The following NLK variants were observed in gnomAD, a reference collection of about 807,000 sequenced individuals.
NLK encodes the protein nemo like kinase, also known as serine/threonine-protein kinase NLK.
A neutral mutation model predicts 59.0 loss-of-function variants in NLK; 11 were observed. That is an observed-to-expected ratio of 0.19 (90% CI 0.12 to 0.31). The LOEUF (loss-of-function observed/expected upper bound fraction) is 0.31, where lower values mean the gene tolerates loss of function less well. Among genes scored for constraint, NLK ranks in the 10% least tolerant of loss-of-function variants. The pLI is 1.00. For synonymous variants in NLK, 235 were observed against 235.9 expected, an observed-to-expected ratio of 1.00 and a Z score of 0.03; for missense variants, 410 against 661.1, an observed-to-expected ratio of 0.62 and a Z score of 4.16.
chr17:28,079,044 A>G (rs1448110755), intron 1 of NLK, among the ~76,000 whole-genome samples: 1 of 152,036 alleles, frequency 6.6e-6, no homozygotes, highest in African/African-American at 2.4e-5. Flanking sequence ...CATCCTCCCT[A>G]TCAGCTCCTG....
At chr17:28,106,146 C>T (rs1394454878) in intron 1 of NLK, among the ~76,000 whole-genome samples, 1 of 152,192 alleles carries the variant, frequency 6.6e-6, no homozygotes, top group East Asian at 1.9e-4. Context: ...GTACCTCACT[C>T]TACATATTTT....
intron 8 of NLK, among the ~76,000 whole-genome samples, chr17:28,187,335 G>A (rs1031112379): frequency 1.3e-5 from 2 of 152,116 alleles, no homozygotes; most frequent in South Asian, 4.1e-4. Flanking sequence ...ACAGAGTCTC[G>A]CTCTGTTGCC....
chr17:28,171,515 G>A (rs1413040517), intron 6 of NLK, among the ~76,000 whole-genome samples: 1 of 152,200 alleles, frequency 6.6e-6, no homozygotes, highest in Non-Finnish European at 1.5e-5. Context: ...CTAGCTAAAT[G>A]TGGTCTTATG....
intron 1 of NLK, among the ~76,000 whole-genome samples, chr17:28,097,286 A>G (rs1218732445): frequency 6.6e-6 from 1 of 152,220 alleles, no homozygotes; most frequent in Non-Finnish European, 1.5e-5. Flanking sequence ...AGAATTGGCC[A>G]TGCTTCTAAC....
intron 3 of NLK, among the ~76,000 whole-genome samples, chr17:28,150,605 G>A (rs1907438572): frequency 1.3e-5 from 2 of 152,162 alleles, no homozygotes; most frequent in South Asian, 4.1e-4. Flanking sequence ...CAGAGACATT[G>A]TTACTTCTCT....
downstream of NLK, among the ~76,000 whole-genome samples, chr17:28,196,586 G>A (rs910344476): frequency 1.3e-5 from 2 of 152,208 alleles, no homozygotes; most frequent in African/African-American, 2.4e-5. Flanking sequence ...TATCAAAGAT[G>A]TGATTTAAAT....
chr17:28,069,676 C>CT (rs1026733874), intron 1 of NLK, among the ~76,000 whole-genome samples: 47 of 151,060 alleles, frequency 3.1e-4, no homozygotes, highest in Non-Finnish European at 5.0e-4. Context: ...GTTGGCATGT[C>CT]TTTTTTTTTC....
chr17:28,155,296 A>G (rs529805983), intron 3 of NLK, among the ~76,000 whole-genome samples: 5 of 152,166 alleles, frequency 3.3e-5, no homozygotes, highest in Non-Finnish European at 7.4e-5. Flanking sequence ...GCTGTAGAGG[A>G]TGTGGAGAAA....
intron 1 of NLK, among the ~76,000 whole-genome samples, chr17:28,095,008 TTTTCATGA>T (rs1320252765): frequency 6.6e-6 from 1 of 152,158 alleles, no homozygotes; most frequent in Admixed American, 6.5e-5. Flanking sequence ...CTAGCTCCAG[TTTTCATGA>T]TATCTAAGTC....
intron 1 of NLK, among the ~76,000 whole-genome samples, chr17:28,075,174 G>A (rs981721411): frequency 4.6e-5 from 7 of 152,172 alleles, no homozygotes; most frequent in African/African-American, 1.7e-4. Flanking sequence ...AGACAAATCA[G>A]TTTTTAAAAA....
At chr17:28,131,258 A>G (rs1021501707) in intron 2 of NLK, among the ~76,000 whole-genome samples, 2 of 152,124 alleles carry the variant, frequency 1.3e-5, no homozygotes, top group Non-Finnish European at 2.9e-5. Flanking sequence ...CAGTCATACT[A>G]TGTAAATCTT....
chr17:28,078,244 A>T (rs1240262869), intron 1 of NLK, among the ~76,000 whole-genome samples: 2 of 152,228 alleles, frequency 1.3e-5, no homozygotes, highest in Admixed American at 1.3e-4. Context: ...AAATTTAATT[A>T]TCAGAAGGTT....
rs1264211688 is a variant in NLK, at chr17:28,153,573, A to T, written c.645-7587A>T. Among the ~76,000 whole-genome samples, 3 of 152,176 alleles carry T rather than the reference A, an allele frequency of 2.0e-5. No individual in the cohort carries two copies. The East Asian group carries it at 5.8e-4, about 29-fold the overall frequency. On this transcript the variant is annotated intron_variant, in intron 3 of 10. Coordinates refer to ENST00000407008, the MANE Select transcript of NLK (RefSeq NM_016231.5). ...AAGGTCCCACCTCTTAATCACATCTATTTGGGGGTTAGCATTTCAACCTAT... is the reference window on the plus strand; with the variant it reads ...AAGGTCCCACCTCTTAATCACATCTTTTTGGGGGTTAGCATTTCAACCTAT...
intron 1 of NLK, among the ~76,000 whole-genome samples, chr17:28,082,539 C>G (rs1910384058): frequency 6.6e-6 from 1 of 152,116 alleles, no homozygotes; most frequent in African/African-American, 2.4e-5. Context: ...CCTCCCTGCC[C>G]TTGTGAATAG....
At chr17:28,151,998 T>A (rs1907499918) in intron 3 of NLK, among the ~76,000 whole-genome samples, 1 of 152,222 alleles carries the variant, frequency 6.6e-6, no homozygotes, top group Non-Finnish European at 1.5e-5. Flanking sequence ...ACCTTTTCAG[T>A]TTTTTGATAT....
chr17:28,117,460 A>G (rs1201909679), intron 1 of NLK, among the ~76,000 whole-genome samples: 3 of 152,118 alleles, frequency 2.0e-5, no homozygotes, highest in Non-Finnish European at 4.4e-5. Context: ...GTGTCTCACT[A>G]CAGATTAGAA....
At chr17:28,148,072 T>C (rs1288842495) in intron 3 of NLK, among the ~76,000 whole-genome samples, 1 of 152,200 alleles carries the variant, frequency 6.6e-6, no homozygotes, top group Admixed American at 6.5e-5. Context: ...CATATTTCAT[T>C]TAGTAGAAAG....
At chr17:28,197,887 C>A (rs771513115), downstream of NLK, among the ~76,000 whole-genome samples, 3 of 152,046 alleles carry the variant, frequency 2.0e-5, no homozygotes, top group Non-Finnish European at 4.4e-5. Context: ...AAAGGCAGTT[C>A]TAAAGGGGAC....
chr17:28,104,089 G>C (rs907975223), intron 1 of NLK, among the ~76,000 whole-genome samples: 3 of 152,168 alleles, frequency 2.0e-5, no homozygotes, highest in Non-Finnish European at 4.4e-5. Flanking sequence ...TCTTGGAGTA[G>C]AAGTATGTAA....
Sources: gnomAD v4.1 joint callset for allele counts (sites outside exome capture counted in the v4.1 genomes callset) on GRCh38, gnomAD v4.1.1 for gene constraint, MANE v1.5 for transcripts, NCBI Gene and HGNC (gene_info 2026-07-23, HGNC 2026-07-21) for gene names.